TPMT: variants seen among roughly 807,000 people sequenced by gnomAD.
TPMT encodes thiopurine S-methyltransferase.
In TPMT, 18 loss-of-function variants were observed where a neutral mutation model predicts 34.2. The ratio of observed to expected loss-of-function variants is 0.53; its 90% CI spans 0.36 to 0.78. TPMT has a LOEUF of 0.78. Among genes scored for constraint, TPMT ranks in the 30% least tolerant of loss-of-function variants. The probability of loss-of-function intolerance (pLI) is 0.00; values close to 1 mark genes in which losing one functional copy is unlikely to be tolerated. For synonymous variants in TPMT, 69 were observed against 92.4 expected (o/e 0.75, Z 1.45); for missense variants, 265 against 288.1 (o/e 0.92, Z 0.58).
intron 1 of TPMT, among the ~76,000 whole-genome samples, chr6:18,152,954 G>A (rs1784382626): frequency 6.6e-6 from 1 of 152,118 alleles, no homozygotes; most frequent in African/African-American, 2.4e-5. Context: ...TCTGTCCTCT[G>A]CTTCACCTTT....
Position 18,139,849 on chromosome 6 carries a change from A to G in TPMT, c.367-132T>C. 1.6e-6 allele frequency: 1 copy of G among 635,464 alleles called. No individual in the cohort carries two copies. Among genetic ancestry groups the G allele is most frequent in the Non-Finnish European group, 2.8e-6 (1 of 362,800 alleles). The allele number at this position is 635,464 out of a possible 1,614,324, so 39.4% of individuals were successfully genotyped here. On this transcript the variant is annotated intron_variant, in intron 4 of 8. Transcript: ENST00000309983. The surrounding 1 kb of genome is among the most constrained non-coding windows in gnomAD (Gnocchi z 4.2). Reference sequence around the variant, plus strand: ...TTAATTAAACATAATTAAAGTAAATAATTTTACTGCACTTTATTGGCACCT... The same window carrying G: ...TTAATTAAACATAATTAAAGTAAATGATTTTACTGCACTTTATTGGCACCT...
At position 18,149,816 on chromosome 6, in the gene TPMT, G is replaced by A. The variant is rs1784319436; in HGVS notation, c.-44-645C>T. 6.6e-6 allele frequency among the ~76,000 whole-genome samples: 1 copy of A among 152,086 alleles called. No individual in the cohort carries two copies. The highest frequency in any genetic ancestry group is 1.5e-5 in the Non-Finnish European group (1 of 68,018). On this transcript the variant is annotated intron_variant, in intron 1 of 8. Coordinates refer to ENST00000309983, the MANE Select transcript of TPMT (RefSeq NM_000367.5). The surrounding 1 kb of genome is among the most constrained non-coding windows in gnomAD (Gnocchi z 5.0). ...ACAAAAAATTACTTTCAGTGCGTCTGGTGGTAGAATAATACCCCTTAATAC... is the reference window on the plus strand; with the variant it reads ...ACAAAAAATTACTTTCAGTGCGTCTAGTGGTAGAATAATACCCCTTAATAC...
rs1171746872 is a variant in TPMT, at chr6:18,132,629, C to T, written c.581-452G>A. Among the ~76,000 whole-genome samples, 1 of 152,110 alleles carries T rather than the reference C, an allele frequency of 6.6e-6. No homozygotes were observed. The highest frequency in any genetic ancestry group is 1.5e-5 in the Non-Finnish European group (1 of 68,006). On this transcript the variant is annotated intron_variant, in intron 7 of 8. Coordinates refer to ENST00000309983, the MANE Select transcript of TPMT (RefSeq NM_000367.5). The surrounding 1 kb of genome is among the most constrained non-coding windows in gnomAD (Gnocchi z 4.8). ...CAGACAGGGCCTGCTGTATTTTCTTCCCAAAGGTTCTTTGTTAGGGCTTCT... is the reference window on the plus strand; with the variant it reads ...CAGACAGGGCCTGCTGTATTTTCTTTCCAAAGGTTCTTTGTTAGGGCTTCT...
At position 18,130,629 on chromosome 6, in the gene TPMT, A is replaced by C; in HGVS notation, c.*39T>G. 1 of 1,367,496 alleles carries C rather than the reference A, an allele frequency of 7.3e-7. No homozygotes were observed. The highest frequency in any genetic ancestry group is 1.2e-5 in the South Asian group (1 of 85,300). The allele number at this position is 1,367,496 out of a possible 1,614,324, so 84.7% of individuals were successfully genotyped here. A position where few individuals can be genotyped will look rare whatever the true frequency, so the allele number is the denominator to read the frequency against. On this transcript the variant is annotated 3_prime_UTR_variant, in exon 9 of 9. Transcript: ENST00000309983. The surrounding 1 kb of genome is among the most constrained non-coding windows in gnomAD (Gnocchi z 4.2). ...CTTTAGCATAATTTTCAATTCCTCAAAAACATGTCAGTGTGATTTTATTTT... is the reference window on the plus strand; with the variant it reads ...CTTTAGCATAATTTTCAATTCCTCACAAACATGTCAGTGTGATTTTATTTT...
chr6:18,145,141 A>C lies in TPMT; in HGVS notation c.234-1413T>G, dbSNP rs2518462. ...AACATAGTTCTGCTATAATGTAACA[A>C]GTGCCTTCCTAAAATCACTGCACTA... On this transcript the variant is annotated intron_variant, in intron 3 of 8. Coordinates refer to ENST00000309983, the MANE Select transcript of TPMT (RefSeq NM_000367.5). The surrounding 1 kb of genome is among the most constrained non-coding windows in gnomAD (Gnocchi z 5.6). 4.6e-5 allele frequency among the ~76,000 whole-genome samples: 7 copies of C among 152,004 alleles called. No homozygotes were observed. Among genetic ancestry groups the C allele is most frequent in the Non-Finnish European group, 1.0e-4 (7 of 68,002 alleles).
Position 18,130,635 on chromosome 6 carries a change from T to A in TPMT, c.*33A>T, listed in dbSNP as rs371570274. On this transcript the variant is annotated 3_prime_UTR_variant, in exon 9 of 9. Transcript: ENST00000309983. This position sits in a 1 kb window ranked among gnomAD's most constrained non-coding sequence, Gnocchi z 4.2. Reference sequence around the variant, plus strand: ...CATAATTTTCAATTCCTCAAAAACATGTCAGTGTGATTTTATTTTATCTAT... The same window carrying A: ...CATAATTTTCAATTCCTCAAAAACAAGTCAGTGTGATTTTATTTTATCTAT... 29 of 1,377,332 alleles carry A rather than the reference T, an allele frequency of 2.1e-5. No homozygotes were observed. The highest frequency in any genetic ancestry group is 2.6e-5 in the Non-Finnish European group (25 of 966,844). 85.3% of individuals were successfully genotyped at this position (1,377,332 alleles called of 1,614,324 possible).
rs17839842 is a variant in TPMT, at chr6:18,143,506, G to A, written c.366+90C>T. ...ATCTGCGTGCTAAATAGGAACCATC[G>A]GACACATGAATGGTATCCTCATAAT... On this transcript the variant is annotated intron_variant, in intron 4 of 8. Transcript: ENST00000309983. The surrounding 1 kb of genome is among the most constrained non-coding windows in gnomAD (Gnocchi z 6.1). 1.5e-3 allele frequency: 2,294 copies of A among 1,533,884 alleles called. 25 individuals are homozygous for A. The African/African-American group carries it at 0.028, about 19-fold the overall frequency.
rs1434069642 is a variant in TPMT at position 18,136,421 on chromosome 6, C to T, written c.495-2532G>A. On this transcript the variant is annotated intron_variant, in intron 6 of 8. Coordinates refer to ENST00000309983, the MANE Select transcript of TPMT (RefSeq NM_000367.5). The surrounding 1 kb of genome is among the most constrained non-coding windows in gnomAD (Gnocchi z 4.7). ...ATGTATAATCTGTTCAGTTACTTGC[C>T]CCGCCTCTGGCATACTATCTATTTG... Among the ~76,000 whole-genome samples, 1 of 151,916 alleles carries T rather than the reference C, an allele frequency of 6.6e-6. No homozygotes were observed. Among genetic ancestry groups the T allele is most frequent in the Non-Finnish European group, 1.5e-5 (1 of 68,002 alleles).
Position 18,139,527 on chromosome 6 carries a change from G to A in TPMT, c.419+138C>T. ...AGACGAGTGTGTAATAAAAATATCT[G>A]CAGAACAGACATTCAAAAAAATGCT... On this transcript the variant is annotated intron_variant, in intron 5 of 8. Transcript: ENST00000309983. This position sits in a 1 kb window ranked among gnomAD's most constrained non-coding sequence, Gnocchi z 4.2. The A allele has an allele frequency of 1.3e-6, 1 of 756,636 alleles. No homozygotes were observed. The highest frequency in any genetic ancestry group is 2.3e-6 in the Non-Finnish European group (1 of 429,794). 46.9% of individuals were successfully genotyped at this position (756,636 alleles called of 1,614,324 possible).
chr6:18,145,333 T>C lies in TPMT; in HGVS notation c.234-1605A>G, dbSNP rs550878003. Reference sequence around the variant, plus strand: ...AGATAAATACTACAATATGGCACTTTACGGTGAAAAAGACCTAATGCTCAC... The same window carrying C: ...AGATAAATACTACAATATGGCACTTCACGGTGAAAAAGACCTAATGCTCAC... On this transcript the variant is annotated intron_variant, in intron 3 of 8. Coordinates refer to ENST00000309983, the MANE Select transcript of TPMT (RefSeq NM_000367.5). The surrounding 1 kb of genome is among the most constrained non-coding windows in gnomAD (Gnocchi z 5.6). 3.3e-5 allele frequency among the ~76,000 whole-genome samples: 5 copies of C among 152,330 alleles called. No homozygotes were observed. In the East Asian group the frequency reaches 5.8e-4, roughly 18 times the overall value.
chr6:18,129,835 A>G lies in TPMT; in HGVS notation c.*833T>C, dbSNP rs1304053091. 1.3e-5 allele frequency: 2 copies of G among 152,136 alleles called. No homozygotes were observed. Among genetic ancestry groups the G allele is most frequent in the African/African-American group, 2.4e-5 (1 of 41,422 alleles). The allele number at this position is 152,136 out of a possible 1,614,324, so 9.4% of individuals were successfully genotyped here. A position where few individuals can be genotyped will look rare whatever the true frequency, so the allele number is the denominator to read the frequency against. The stretch of plus-strand genomic sequence containing the variant: ...TTGTTTAATTAAAATTTGTTTCTTG[A>G]TTCTGTTATATACATGGAGAAACCA... On this transcript the variant is annotated 3_prime_UTR_variant, in exon 9 of 9. Coordinates refer to ENST00000309983, the MANE Select transcript of TPMT (RefSeq NM_000367.5).
chr6:18,148,140 A>G lies in TPMT; in HGVS notation c.141-225T>C, dbSNP rs771912253. ...CTTTCCTGATTAGTAATTAAAAATAATTTTTTTTTCTTGGGGATGTTTTGA... is the reference window on the plus strand; with the variant it reads ...CTTTCCTGATTAGTAATTAAAAATAGTTTTTTTTTCTTGGGGATGTTTTGA... On this transcript the variant is annotated intron_variant, in intron 2 of 8. Coordinates refer to ENST00000309983, the MANE Select transcript of TPMT (RefSeq NM_000367.5). The surrounding 1 kb of genome is among the most constrained non-coding windows in gnomAD (Gnocchi z 4.1). 6.6e-6 allele frequency among the ~76,000 whole-genome samples: 1 copy of G among 151,570 alleles called. No homozygotes were observed.
rs150981757 is a variant in TPMT at position 18,154,295 on chromosome 6, CACAA to C, written c.-45+734_-45+737del. Among the ~76,000 whole-genome samples the C allele has an allele frequency of 0.052, 7,874 of 152,174 alleles. 240 individuals are homozygous for C. Among genetic ancestry groups the C allele is most frequent in the African/African-American group, 0.084 (3,468 of 41,518 alleles). On this transcript the variant is annotated intron_variant, in intron 1 of 8. Transcript: ENST00000309983. The surrounding 1 kb of genome is among the most constrained non-coding windows in gnomAD (Gnocchi z 4.2). Reference sequence around the variant, plus strand: ...GGGAAATTTCACAAAAATTTCTGCCCACAAACAAAGTCCTCAAGTTGTTCTAGTC... The same window carrying C: ...GGGAAATTTCACAAAAATTTCTGCCCACAAAGTCCTCAAGTTGTTCTAGTC...
At position 18,143,842 on chromosome 6, in the gene TPMT, GT is replaced by G; in HGVS notation, c.234-115del. On this transcript the variant is annotated intron_variant, in intron 3 of 8. Transcript: ENST00000309983. The surrounding 1 kb of genome is among the most constrained non-coding windows in gnomAD (Gnocchi z 6.1). ...TTTAGAGGAATTTATATGAATTCAG[GT>G]TCATAGGGTTTCAAAGAACATGCAG... 1 of 1,332,634 alleles carries G rather than the reference GT, an allele frequency of 7.5e-7. No individual in the cohort carries two copies. The highest frequency in any genetic ancestry group is 1.0e-6 in the Non-Finnish European group (1 of 963,648). 82.6% of individuals were successfully genotyped at this position (1,332,634 alleles called of 1,614,324 possible).
Position 18,138,266 on chromosome 6 carries a change from T to G in TPMT, c.494+697A>C, listed in dbSNP as rs1254474009. ...ACATGAAATATTTTGATTTTTTTGT[T>G]TTTTTTTTTTTTTAAATATTTTACA... On this transcript the variant is annotated intron_variant, in intron 6 of 8. Coordinates refer to ENST00000309983, the MANE Select transcript of TPMT (RefSeq NM_000367.5). The surrounding 1 kb of genome is among the most constrained non-coding windows in gnomAD (Gnocchi z 4.1). Among the ~76,000 whole-genome samples the G allele has an allele frequency of 1.8e-4, 2 of 11,262 alleles. No individual in the cohort carries two copies. Among genetic ancestry groups the G allele is most frequent in the African/African-American group, 6.1e-4 (2 of 3,302 alleles). The allele number at this position is 11,262 out of a possible 152,430, so 7.4% of individuals were successfully genotyped here.
At chr6:18,147,982 C>T in intron 2 of TPMT, 67 bp from the exon 3 acceptor site, 1 of 1,196,014 alleles carries the variant, frequency 8.4e-7, no homozygotes, top group Non-Finnish European at 1.2e-6. Context: ...CATTCATTAT[C>T]TCACTTAATA....
rs1471948080 is a variant in TPMT at position 18,135,328 on chromosome 6, T to C, written c.495-1439A>G. 6.6e-6 allele frequency among the ~76,000 whole-genome samples: 1 copy of C among 152,148 alleles called. No homozygotes were observed. The highest frequency in any genetic ancestry group is 1.5e-5 in the Non-Finnish European group (1 of 68,024). On this transcript the variant is annotated intron_variant, in intron 6 of 8. Transcript: ENST00000309983. This position sits in a 1 kb window ranked among gnomAD's most constrained non-coding sequence, Gnocchi z 5.0. ...TAGGACTGAAAGACTTCATTCCTCT[T>C]AGAATGTGAAGTTTTTCTCTCTCAA... is the stretch of plus-strand genomic sequence containing the variant.
rs1784307522 is a variant in TPMT at position 18,149,271 on chromosome 6, A to T, written c.-44-100T>A. The T allele has an allele frequency of 2.8e-6, 3 of 1,076,714 alleles. No individual in the cohort carries two copies. The South Asian group carries it at 4.3e-5, about 15-fold the overall frequency. 66.7% of individuals were successfully genotyped at this position (1,076,714 alleles called of 1,614,324 possible). A position where few individuals can be genotyped will look rare whatever the true frequency, so the allele number is the denominator to read the frequency against. On this transcript the variant is annotated intron_variant, in intron 1 of 8. Transcript: ENST00000309983. This position sits in a 1 kb window ranked among gnomAD's most constrained non-coding sequence, Gnocchi z 5.0. ...TATTCTTAGCAGTATGACTTTTTAA[A>T]AATATTTCTTTCTTTTTTTATTTCT...
Position 18,143,871 on chromosome 6 carries a change from A to G in TPMT, c.234-143T>C. ...ATAGGGTTTCAAAGAACATGCAGGAAAGCAGATCTATATTATTTTCAAACC... is the reference window on the plus strand; with the variant it reads ...ATAGGGTTTCAAAGAACATGCAGGAGAGCAGATCTATATTATTTTCAAACC... On this transcript the variant is annotated intron_variant, in intron 3 of 8. Coordinates refer to ENST00000309983, the MANE Select transcript of TPMT (RefSeq NM_000367.5). This position sits in a 1 kb window ranked among gnomAD's most constrained non-coding sequence, Gnocchi z 6.1. 1 of 1,090,334 alleles carries G rather than the reference A, an allele frequency of 9.2e-7. No homozygotes were observed. Among genetic ancestry groups the G allele is most frequent in the South Asian group, 1.5e-5 (1 of 68,888 alleles). The allele number at this position is 1,090,334 out of a possible 1,614,324, so 67.5% of individuals were successfully genotyped here. A position where few individuals can be genotyped will look rare whatever the true frequency, so the allele number is the denominator to read the frequency against.
Sources: gnomAD v4.1 joint callset for allele counts (sites outside exome capture counted in the v4.1 genomes callset) on GRCh38, gnomAD v4.1.1 for gene constraint, Gnocchi (gnomAD v3.1) non-coding constraint, MANE v1.5 for transcripts, NCBI Gene and HGNC (gene_info 2026-07-23, HGNC 2026-07-21) for gene names.